The following VAT1L variants were observed in gnomAD, a reference collection of about 807,000 sequenced individuals.
VAT1L encodes the protein putative NADPH-dependent quinone oxidoreductase VAT1L.
In VAT1L, 34 loss-of-function variants were observed where a neutral mutation model predicts 44.1. That is an observed-to-expected ratio of 0.77 (90% CI 0.59 to 1.03). The LOEUF (loss-of-function observed/expected upper bound fraction) is 1.03, where lower values mean the gene tolerates loss of function less well. VAT1L is among the 50% of genes least tolerant of loss of function. VAT1L has a pLI of 0.00. For synonymous variants in VAT1L, 253 were observed against 202.2 expected (o/e 1.25, Z -2.13); for missense variants, 615 against 538.8 (o/e 1.14, Z -1.40).
intron 1 of VAT1L, among the ~76,000 whole-genome samples, chr16:77,798,540 GT>G (rs1380563391): frequency 6.6e-6 from 1 of 152,156 alleles, no homozygotes; most frequent in East Asian, 1.9e-4. Context: ...AATAAATGAA[GT>G]GTGTGTGCCA....
intron 3 of VAT1L, among the ~76,000 whole-genome samples, chr16:77,836,382 C>A (rs2016639195): frequency 6.6e-6 from 1 of 152,032 alleles, no homozygotes; most frequent in Non-Finnish European, 1.5e-5. Context: ...AACAGAAGCC[C>A]TGAAAATTTA....
At chr16:77,827,461 A>C (rs2016535037) in intron 3 of VAT1L, among the ~76,000 whole-genome samples, 3 of 152,362 alleles carry the variant, frequency 2.0e-5, no homozygotes, top group Middle Eastern at 3.4e-3. Context: ...TAATCTTGGA[A>C]AATAAAAAGA....
intron 1 of VAT1L, among the ~76,000 whole-genome samples, chr16:77,813,470 A>G (rs1567473499): frequency 6.6e-6 from 1 of 152,236 alleles, no homozygotes; most frequent in African/African-American, 2.4e-5. Flanking sequence ...CATGGAAATC[A>G]TAGAGCAGGA....
chr16:77,904,018 G>A (rs2017412924), intron 7 of VAT1L, among the ~76,000 whole-genome samples: 1 of 152,020 alleles, frequency 6.6e-6, no homozygotes, highest in Non-Finnish European at 1.5e-5. Context: ...TTACAGGTAT[G>A]AGCCACTGTG....
intron 7 of VAT1L, among the ~76,000 whole-genome samples, chr16:77,953,221 G>A (rs974373056): frequency 2.0e-5 from 3 of 152,176 alleles, no homozygotes; most frequent in Non-Finnish European, 4.4e-5. Context: ...AACCAATCCG[G>A]CTGACATTTG....
At chr16:77,948,721 C>G (rs547126794) in intron 7 of VAT1L, among the ~76,000 whole-genome samples, 1 of 152,186 alleles carries the variant, frequency 6.6e-6, no homozygotes, top group African/African-American at 2.4e-5. Context: ...ATTATTTCAT[C>G]TGTAAATATT....
intron 7 of VAT1L, among the ~76,000 whole-genome samples, chr16:77,951,363 T>TGGA (rs10693668): frequency 0.086 from 13,143 of 152,170 alleles, 643 homozygotes; most frequent in African/African-American, 0.12. Context: ...CTGGGCAATA[T>TGGA]GGTGAAACCT....
At chr16:77,799,594 A>G (rs957232822) in intron 1 of VAT1L, among the ~76,000 whole-genome samples, 1 of 151,418 alleles carries the variant, frequency 6.6e-6, no homozygotes, top group African/African-American at 2.4e-5. Flanking sequence ...TAAATACTCC[A>G]AAAGGAATGG....
intron 7 of VAT1L, among the ~76,000 whole-genome samples, chr16:77,920,967 T>TAC (rs925929098): frequency 9.3e-5 from 14 of 149,942 alleles, no homozygotes; most frequent in Non-Finnish European, 1.9e-4. Flanking sequence ...TGTGCATATA[T>TAC]ACACACACAC....
chr16:77,803,576 C>T (rs530846137), intron 1 of VAT1L, among the ~76,000 whole-genome samples: 8 of 151,970 alleles, frequency 5.3e-5, no homozygotes, highest in Admixed American at 2.0e-4. Flanking sequence ...CCCTCCACCA[C>T]GCCCGGCTAA....
At chr16:77,822,253 G>C (rs573611289) in intron 2 of VAT1L, among the ~76,000 whole-genome samples, 96 of 152,228 alleles carry the variant, frequency 6.3e-4, no homozygotes, top group African/African-American at 2.3e-3. Context: ...TCCTGCCTCA[G>C]CCTCCCAAAT....
chr16:77,913,058 G>C (rs554904798), intron 7 of VAT1L, among the ~76,000 whole-genome samples: 1 of 152,068 alleles, frequency 6.6e-6, no homozygotes, highest in African/African-American at 2.4e-5. Flanking sequence ...GCATTTGCGG[G>C]GGTGGGGTCA....
rs767435001 is a variant in VAT1L, at chr16:77,884,567, G to C, written c.883-41G>C. 6.3e-7 allele frequency: 1 copy of C among 1,587,302 alleles called. No individual in the cohort carries two copies. Among genetic ancestry groups the C allele is most frequent in the Non-Finnish European group, 8.6e-7 (1 of 1,165,900 alleles). On this transcript the variant is annotated intron_variant, in intron 6 of 8. Coordinates refer to ENST00000302536, the MANE Select transcript of VAT1L (RefSeq NM_020927.3). This position sits in a 1 kb window ranked among gnomAD's most constrained non-coding sequence, Gnocchi z 4.5. The stretch of plus-strand genomic sequence containing the variant: ...ATGCTGCCAATGTAGGCTTAACCCC[G>C]GTATTGAGTTCCTATAACCCAATAC...
At chr16:77,812,320 G>T (rs1056181658) in intron 1 of VAT1L, among the ~76,000 whole-genome samples, 31 of 152,072 alleles carry the variant, frequency 2.0e-4, no homozygotes, top group Non-Finnish European at 3.8e-4. Flanking sequence ...TAATCCACCT[G>T]TCTCGGCCTC....
rs546664985 is a variant in VAT1L, at chr16:77,797,808, G to A, written c.233+8893G>A. 2.6e-5 allele frequency among the ~76,000 whole-genome samples: 4 copies of A among 152,250 alleles called. No individual in the cohort carries two copies. In the South Asian group the frequency reaches 6.2e-4, roughly 24 times the overall value. On this transcript the variant is annotated intron_variant, in intron 1 of 8. Transcript: ENST00000302536. ...TGGCATTTGTCACAGAAGAAAAAGTGTAATTAGAAGGAAGAAGAGACTCTT... is the reference window on the plus strand; with the variant it reads ...TGGCATTTGTCACAGAAGAAAAAGTATAATTAGAAGGAAGAAGAGACTCTT...
Position 77,953,007 on chromosome 16 carries a change from C to T in VAT1L, c.1078-18843C>T, listed in dbSNP as rs974393539. Among the ~76,000 whole-genome samples the T allele has an allele frequency of 2.0e-5, 3 of 151,614 alleles. No homozygotes were observed. The East Asian group carries it at 5.8e-4, about 29-fold the overall frequency. On this transcript the variant is annotated intron_variant, in intron 7 of 8. Coordinates refer to ENST00000302536, the MANE Select transcript of VAT1L (RefSeq NM_020927.3). ...GCAACAACATTGCAGATATTTAAAA[C>T]GAGGTCATATCAGATTAGGGTGGAC...
Position 77,925,476 on chromosome 16 carries a change from G to C in VAT1L, c.1077+40674G>C, listed in dbSNP as rs1031437782. Reference sequence around the variant, plus strand: ...GAAAGGGTTGTTTCGGGGTATTAAAGAGGTCCATATATGCAATGGCGCTTC... The same window carrying C: ...GAAAGGGTTGTTTCGGGGTATTAAACAGGTCCATATATGCAATGGCGCTTC... On this transcript the variant is annotated intron_variant, in intron 7 of 8. Coordinates refer to ENST00000302536, the MANE Select transcript of VAT1L (RefSeq NM_020927.3). 1.1e-4 allele frequency among the ~76,000 whole-genome samples: 16 copies of C among 152,250 alleles called. 1 individual carries two copies. In the East Asian group the frequency reaches 2.7e-3, roughly 26 times the overall value.
intron 1 of VAT1L, among the ~76,000 whole-genome samples, chr16:77,816,569 A>G (rs1337842226): frequency 6.6e-6 from 1 of 152,200 alleles, no homozygotes; most frequent in Non-Finnish European, 1.5e-5. Flanking sequence ...AAGTACTAAG[A>G]ACTCTGATAG....
At chr16:77,799,554 T>TGTGTGG (rs2016008478) in intron 1 of VAT1L, among the ~76,000 whole-genome samples, 3 of 111,920 alleles carry the variant, frequency 2.7e-5, no homozygotes, top group African/African-American at 1.0e-4. Flanking sequence ...TGTGTGTGTG[T>TGTGTGG]GTGGTGTGTA....
Sources: allele counts gnomAD v4.1 joint callset (sites outside exome capture counted in the v4.1 genomes callset), GRCh38; gene constraint gnomAD v4.1.1; non-coding constraint Gnocchi (gnomAD v3.1); transcripts MANE v1.5; gene names NCBI Gene and HGNC (gene_info 2026-07-23, HGNC 2026-07-21).